Variants in ARID4B observed in about 807,000 individuals in gnomAD.
The protein encoded by ARID4B is AT-rich interactive domain-containing protein 4B.
In ARID4B, 26 loss-of-function variants were observed where a neutral mutation model predicts 147.5. That is an observed-to-expected ratio of 0.18 (90% CI 0.13 to 0.24). The LOEUF (loss-of-function observed/expected upper bound fraction) is 0.24, where lower values mean the gene tolerates loss of function less well. ARID4B is among the 10% of genes least tolerant of loss of function. The pLI, the probability that ARID4B is intolerant of heterozygous loss-of-function variation, is 1.00. For missense variants in ARID4B, 1,179 were observed against 1,511.5 expected, an observed-to-expected ratio of 0.78 and a Z score of 3.65; for synonymous variants, 512 against 507.9, an observed-to-expected ratio of 1.01 and a Z score of -0.11.
chr1:235,244,906 G>A (rs7515496), intron 7 of ARID4B, among the ~76,000 whole-genome samples: 19,832 of 152,068 alleles, frequency 0.13, 1,508 homozygotes, highest in African/African-American at 0.2. Flanking sequence ...ATGTAATCAA[G>A]GAGATGGGCA....
chr1:235,269,950 TG>T (rs1670867350), intron 2 of ARID4B, among the ~76,000 whole-genome samples: 1 of 151,890 alleles, frequency 6.6e-6, no homozygotes, highest in African/African-American at 2.4e-5. Context: ...TTTGTTTGTC[TG>T]TTTTTTTTGC....
Position 235,181,681 on chromosome 1 carries a change from C to A in ARID4B, c.3238G>T (p.Asp1080Tyr). The A allele has an allele frequency of 6.2e-7, 1 of 1,614,114 alleles. No homozygotes were observed. The highest frequency in any genetic ancestry group is 1.1e-5 in the South Asian group (1 of 91,072). Residue 1080 changes from aspartate to tyrosine, a missense_variant, in exon 20 of 24, where the codon GAC becomes TAC. By Grantham distance (160) the Asp-to-Tyr change is radical. This residue lies in a region of ARID4B where 357 missense variants were observed against 427.3 expected (regional missense o/e 0.84). Coordinates refer to ENST00000264183, the MANE Select transcript of ARID4B (RefSeq NM_016374.6). ...GAGCTATTCCCTTCAGACTGGAGGT[C>A]TTGGAGCTCCCCAGCAACACTATCC... ...EVDSVAGELQ[D>Y]LQSEGNSSPA...
intron 5 of ARID4B, among the ~76,000 whole-genome samples, chr1:235,255,292 T>TAC (rs1216675053): frequency 5.3e-5 from 8 of 150,770 alleles, no homozygotes; most frequent in Non-Finnish European, 1.0e-4. Context: ...TCTCTCTATA[T>TAC]ATATATATAC....
intron 2 of ARID4B, among the ~76,000 whole-genome samples, chr1:235,305,459 A>T (rs995457245): frequency 6.6e-6 from 1 of 152,206 alleles, no homozygotes; most frequent in East Asian, 1.9e-4. Flanking sequence ...TAGATATCCA[A>T]GTAAAGATAT....
chr1:235,225,513 C>T (rs892706039), intron 11 of ARID4B, among the ~76,000 whole-genome samples: 1 of 152,180 alleles, frequency 6.6e-6, no homozygotes, highest in Non-Finnish European at 1.5e-5. Flanking sequence ...TGACTTTCAT[C>T]CATTCAACAA....
chr1:235,214,507 G>A (rs1245835465), intron 16 of ARID4B, among the ~76,000 whole-genome samples: 1 of 152,072 alleles, frequency 6.6e-6, no homozygotes, highest in African/African-American at 2.4e-5. Context: ...CCAAGCTGGA[G>A]GCCTCAGGAA....
chr1:235,195,631 C>T (rs1027799826), intron 18 of ARID4B, among the ~76,000 whole-genome samples: 27 of 151,944 alleles, frequency 1.8e-4, no homozygotes, highest in Admixed American at 9.8e-4. Context: ...TTCTAAGCCA[C>T]TGACTATAAT....
chr1:235,313,005 T>C (rs1160277054), intron 2 of ARID4B, among the ~76,000 whole-genome samples: 1 of 151,968 alleles, frequency 6.6e-6, no homozygotes, highest in Admixed American at 6.6e-5. Context: ...AGAAAAGGGT[T>C]CTTTGATGAG....
chr1:235,171,045 G>A (rs1238275054), intron 23 of ARID4B, among the ~76,000 whole-genome samples: 1 of 150,764 alleles, frequency 6.6e-6, no homozygotes, highest in Non-Finnish European at 1.5e-5. Context: ...TTTCAAAGTT[G>A]AGTAATATTC....
At chr1:235,252,887 TGA>T in intron 5 of ARID4B, 78 bp from the exon 6 acceptor site, 2 of 1,205,252 alleles carry the variant, frequency 1.7e-6, no homozygotes, top group Non-Finnish European at 2.4e-6. Context: ...TACAATTTTC[TGA>T]GTGCAAACAG....
At position 235,290,757 on chromosome 1, in the gene ARID4B, T is replaced by C. The variant is rs1672284696; in HGVS notation, c.7-30005A>G. Reference sequence around the variant, plus strand: ...CTTTTTAAGGATTACAAAAATATTCTTAAACTGGACTGTGGTGATGGGTGA... The same window carrying C: ...CTTTTTAAGGATTACAAAAATATTCCTAAACTGGACTGTGGTGATGGGTGA... On this transcript the variant is annotated intron_variant, in intron 2 of 23. Transcript: ENST00000264183. 2.0e-5 allele frequency among the ~76,000 whole-genome samples: 3 copies of C among 152,206 alleles called. No individual in the cohort carries two copies. The South Asian group carries it at 6.2e-4, about 31-fold the overall frequency.
Position 235,196,128 on chromosome 1 carries a change from G to A in ARID4B, c.1842-13C>T. 7.4e-7 allele frequency: 1 copy of A among 1,360,364 alleles called. No individual in the cohort carries two copies. The highest frequency in any genetic ancestry group is 1.0e-6 in the Non-Finnish European group (1 of 970,932). 84.3% of individuals were successfully genotyped at this position (1,360,364 alleles called of 1,614,324 possible). Reference sequence around the variant, plus strand: ...CCATTCATCGTATCTAAAATTAAAGGAAATTAATATAAATATGTACAATAT... The same window carrying A: ...CCATTCATCGTATCTAAAATTAAAGAAAATTAATATAAATATGTACAATAT... On this transcript the variant is annotated splice_polypyrimidine_tract_variant and intron_variant, in intron 17 of 23. Transcript: ENST00000264183.
intron 15 of ARID4B, 49 bp downstream of exon 15, chr1:235,220,252 TG>T (rs761133835): frequency 6.6e-7 from 1 of 1,510,476 alleles, no homozygotes; most frequent in Non-Finnish European, 8.9e-7. Flanking sequence ...ATAGAGGATA[TG>T]GAAAATATAC....
intron 6 of ARID4B, among the ~76,000 whole-genome samples, chr1:235,250,282 T>C (rs1034239218): frequency 6.6e-6 from 1 of 152,156 alleles, no homozygotes; most frequent in African/African-American, 2.4e-5. Flanking sequence ...GCAGCTTTCC[T>C]CTTAAAGGAC....
chr1:235,188,235 C>T (rs564981631), intron 19 of ARID4B, among the ~76,000 whole-genome samples: 9 of 151,852 alleles, frequency 5.9e-5, no homozygotes, highest in South Asian at 2.1e-4. Context: ...GGGGAAAATA[C>T]GAAAGAAAAG....
intron 17 of ARID4B, among the ~76,000 whole-genome samples, chr1:235,200,516 A>G (rs1336037044): frequency 6.6e-6 from 1 of 152,164 alleles, no homozygotes. Flanking sequence ...TATTTCCTAC[A>G]GACATTAAAA....
Position 235,247,481 on chromosome 1 carries a change from G to A in ARID4B, c.355-970C>T, listed in dbSNP as rs539599931. On this transcript the variant is annotated intron_variant, in intron 6 of 23. Coordinates refer to ENST00000264183, the MANE Select transcript of ARID4B (RefSeq NM_016374.6). Reference sequence around the variant, plus strand: ...AATTCATTAGAATATATGTAAATGTGTTTAAGGTACATAGATGTATGTATC... The same window carrying A: ...AATTCATTAGAATATATGTAAATGTATTTAAGGTACATAGATGTATGTATC... Among the ~76,000 whole-genome samples, 347 of 152,248 alleles carry A rather than the reference G, an allele frequency of 2.3e-3. 2 individuals carry two copies. In the Middle Eastern group the frequency reaches 0.024, roughly 10 times the overall value.
chr1:235,204,202 G>T (rs1666152067), intron 17 of ARID4B, among the ~76,000 whole-genome samples: 2 of 152,012 alleles, frequency 1.3e-5, no homozygotes, highest in African/African-American at 4.8e-5. Context: ...CACGCCTGTA[G>T]TCCCAGCTAC....
At chr1:235,173,385 G>C (rs1278294841) in intron 22 of ARID4B, among the ~76,000 whole-genome samples, 2 of 151,616 alleles carry the variant, frequency 1.3e-5, no homozygotes, top group African/African-American at 4.8e-5. Flanking sequence ...CAAAAAACCT[G>C]GAAAGACACC....
Sources: allele counts gnomAD v4.1 joint callset (sites outside exome capture counted in the v4.1 genomes callset), GRCh38; gene constraint gnomAD v4.1.1; regional missense constraint gnomAD v4.1.1; transcripts MANE v1.5; gene names NCBI Gene and HGNC (gene_info 2026-07-23, HGNC 2026-07-21).